Variants in PITPNA observed in about 807,000 individuals in gnomAD.
The protein encoded by PITPNA is phosphatidylinositol transfer protein alpha, also known as phosphatidylinositol transfer protein alpha isoform.
PITPNA carries 13 observed loss-of-function variants against 50.3 expected under a neutral mutation model. That is an observed-to-expected ratio of 0.26 (90% CI 0.17 to 0.41). The LOEUF is 0.41. Ranked by LOEUF, PITPNA falls within the 10% of genes least tolerant of loss-of-function variation. PITPNA has a pLI of 1.00. For synonymous variants in PITPNA, 120 were observed against 119.6 expected, an observed-to-expected ratio of 1.00 and a Z score of -0.02; for missense variants, 207 against 333.4, an observed-to-expected ratio of 0.62 and a Z score of 2.95.
chr17:1,522,135 A>C (rs112131245), intron 10 of PITPNA, among the ~76,000 whole-genome samples: 3 of 146,766 alleles, frequency 2.0e-5, no homozygotes, highest in South Asian at 2.1e-4. Context: ...GCAGTGGCGC[A>C]ATCTCGGCTC....
chr17:1,520,324 G>A lies in PITPNA; in HGVS notation c.*237C>T, dbSNP rs1329605366. 3.3e-5 allele frequency: 5 copies of A among 152,556 alleles called. No individual in the cohort carries two copies. The highest frequency in any genetic ancestry group is 4.8e-5 in the African/African-American group (2 of 41,416). The allele number at this position is 152,556 out of a possible 1,614,324, so 9.5% of individuals were successfully genotyped here. On this transcript the variant is annotated 3_prime_UTR_variant, in exon 12 of 12. Coordinates refer to ENST00000313486, the MANE Select transcript of PITPNA (RefSeq NM_006224.4). ...GCGCTGTAACTACAGCAACCTACAC[G>A]CCACGTATCTCGGAGGAGCAGGCTC...
intron 10 of PITPNA, among the ~76,000 whole-genome samples, chr17:1,523,789 G>A (rs113916642): frequency 0.094 from 14,236 of 151,874 alleles, 832 homozygotes; most frequent in East Asian, 0.14. Flanking sequence ...GATTACAGGC[G>A]TGAGCCACTG....
intron 3 of PITPNA, among the ~76,000 whole-genome samples, chr17:1,551,591 C>T (rs1309603086): frequency 2.0e-5 from 3 of 152,182 alleles, no homozygotes; most frequent in African/African-American, 4.8e-5. Context: ...CCGAAGCACC[C>T]GGCCAGGTTC....
chr17:1,524,591 G>A (rs2075535755), intron 10 of PITPNA, among the ~76,000 whole-genome samples: 1 of 152,026 alleles, frequency 6.6e-6, no homozygotes, highest in African/African-American at 2.4e-5. Flanking sequence ...ATAAAATAGA[G>A]ATAACAGTAC....
At chr17:1,551,425 A>G (rs1420263025) in intron 3 of PITPNA, among the ~76,000 whole-genome samples, 2 of 151,634 alleles carry the variant, frequency 1.3e-5, no homozygotes, top group Non-Finnish European at 2.9e-5. Context: ...CTGAGTAGAC[A>G]GGACTACAGA....
At position 1,536,576 on chromosome 17, in the gene PITPNA, A is replaced by G. The variant is rs1274274773; in HGVS notation, c.457-1058T>C. 2.0e-5 allele frequency among the ~76,000 whole-genome samples: 3 copies of G among 151,366 alleles called. No homozygotes were observed. In the East Asian group the frequency reaches 5.8e-4, roughly 29 times the overall value. On this transcript the variant is annotated intron_variant, in intron 7 of 11. Coordinates refer to ENST00000313486, the MANE Select transcript of PITPNA (RefSeq NM_006224.4). ...AGTGCTGGGATTACAGGCGTGAGCC[A>G]CCGCGCCCTGCCTTATTTTTTTATT...
chr17:1,558,646 G>A, intron 1 of PITPNA, 87 bp from the exon 2 acceptor site: 1 of 921,956 alleles, frequency 1.1e-6, no homozygotes, highest in South Asian at 1.4e-5. Context: ...ACAGTCAGCA[G>A]CATTCTATTG....
At chr17:1,522,119 C>T (rs1158042941) in intron 10 of PITPNA, among the ~76,000 whole-genome samples, 7 of 149,408 alleles carry the variant, frequency 4.7e-5, no homozygotes, top group African/African-American at 1.0e-4. Flanking sequence ...GGCCGGACTG[C>T]GGACTGCAGT....
intron 11 of PITPNA, among the ~76,000 whole-genome samples, 170 bp downstream of exon 11, chr17:1,521,409 C>G (rs2075511498): frequency 6.6e-6 from 1 of 152,092 alleles, no homozygotes; most frequent in Admixed American, 6.6e-5. Context: ...CTGAAATGTC[C>G]CAAGGGCCAT....
chr17:1,536,348 C>T (rs527856287), intron 7 of PITPNA, among the ~76,000 whole-genome samples: 47 of 148,852 alleles, frequency 3.2e-4, no homozygotes, highest in Middle Eastern at 6.9e-3. Context: ...AGTGCAGTAG[C>T]GCGATCTCGG....
chr17:1,552,584 T>C (rs2075715109), intron 3 of PITPNA, among the ~76,000 whole-genome samples: 1 of 152,126 alleles, frequency 6.6e-6, no homozygotes, highest in Admixed American at 6.5e-5. Context: ...AGGAATTCAA[T>C]TTTAGGAATA....
intron 1 of PITPNA, among the ~76,000 whole-genome samples, chr17:1,561,570 C>T (rs903455756): frequency 5.9e-5 from 9 of 152,118 alleles, no homozygotes; most frequent in African/African-American, 2.2e-4. Flanking sequence ...CCGGTAACTT[C>T]CCGGCCTTCT....
At chr17:1,549,465 C>T (rs909441896) in intron 3 of PITPNA, among the ~76,000 whole-genome samples, 2 of 150,574 alleles carry the variant, frequency 1.3e-5, no homozygotes, top group East Asian at 2.0e-4. Flanking sequence ...TACAGGTTCC[C>T]GCCACCACGC....
intron 3 of PITPNA, among the ~76,000 whole-genome samples, chr17:1,550,262 T>C (rs780987530): frequency 5.9e-5 from 9 of 152,124 alleles, no homozygotes; most frequent in Non-Finnish European, 1.5e-5. Flanking sequence ...AGCACAACAC[T>C]GTAAGTTCAT....
chr17:1,560,180 A>G (rs1395010911), intron 1 of PITPNA, among the ~76,000 whole-genome samples: 1 of 152,174 alleles, frequency 6.6e-6, no homozygotes, highest in African/African-American at 2.4e-5. Flanking sequence ...GGATGCGCTG[A>G]GGCTGCTGAC....
Position 1,534,231 on chromosome 17 carries a change from G to A in PITPNA, c.646-10C>T, listed in dbSNP as rs2151005623. The A allele has an allele frequency of 6.2e-7, 1 of 1,613,636 alleles. No individual in the cohort carries two copies. Among genetic ancestry groups the A allele is most frequent in the South Asian group, 1.1e-5 (1 of 91,042 alleles). On this transcript the variant is annotated splice_polypyrimidine_tract_variant and intron_variant, in intron 9 of 11. Transcript: ENST00000313486. The stretch of plus-strand genomic sequence containing the variant: ...ACAGACGCCTCTCTTGCTATAGAAA[G>A]GAGGGAACCACGTTAGAACGCAGAA...
At chr17:1,529,020 C>A (rs530297335) in intron 10 of PITPNA, among the ~76,000 whole-genome samples, 25 of 151,778 alleles carry the variant, frequency 1.6e-4, no homozygotes, top group African/African-American at 5.8e-4. Context: ...CACCTGTAAT[C>A]CCAGCTACTT....
In PITPNA at chr17:1,548,354, T is replaced by C; in HGVS notation, c.231A>G (p.Pro77=). The C allele has an allele frequency of 6.2e-7, 1 of 1,608,410 alleles. No individual in the cohort carries two copies. Among genetic ancestry groups the C allele is most frequent in the Non-Finnish European group, 8.5e-7 (1 of 1,177,668 alleles). ...TCTCGTGTATATTCAGGGCTCCCTC[T>C]GGGGCCAGCATTCGAACAAACGTGG... ...KVPTFVRMLA[P]EGALNIHEKA... Residue 77 remains proline (P), a synonymous_variant, in exon 4 of 12, where the codon CCA becomes CCG. Coordinates refer to ENST00000313486, the MANE Select transcript of PITPNA (RefSeq NM_006224.4).
intron 10 of PITPNA, among the ~76,000 whole-genome samples, chr17:1,533,074 G>C (rs1209413083): frequency 1.3e-5 from 2 of 152,350 alleles, no homozygotes; most frequent in South Asian, 2.1e-4. Context: ...CCCTGCAGGA[G>C]AGCTGAGTGG....
Sources: allele counts gnomAD v4.1 joint callset (sites outside exome capture counted in the v4.1 genomes callset), GRCh38; gene constraint gnomAD v4.1.1; transcripts MANE v1.5; gene names NCBI Gene and HGNC (gene_info 2026-07-23, HGNC 2026-07-21).